The following WDPCP variants were observed in gnomAD, a reference collection of about 807,000 sequenced individuals.
The protein encoded by WDPCP is WD repeat-containing and planar cell polarity effector protein fritz homolog.
WDPCP carries 71 observed loss-of-function variants against 93.1 expected under a neutral mutation model. The observed-to-expected ratio is 0.76, with a 90% CI of 0.63 to 0.93. WDPCP has a LOEUF of 0.93. Ranked by LOEUF, WDPCP falls within the 40% of genes least tolerant of loss-of-function variation. The pLI, the probability that WDPCP is intolerant of heterozygous loss-of-function variation, is 0.00. For missense variants in WDPCP, 844 were observed against 887.4 expected, an observed-to-expected ratio of 0.95 and a Z score of 0.62; for synonymous variants, 315 against 315.0, an observed-to-expected ratio of 1.00 and a Z score of 0.00.
intron 13 of WDPCP, among the ~76,000 whole-genome samples, chr2:63,278,312 A>C (rs1012737083): frequency 2.6e-5 from 4 of 152,202 alleles, no homozygotes; most frequent in Non-Finnish European, 5.9e-5. Flanking sequence ...AAAAAGTCTG[A>C]AAGAGCACAA....
intron 12 of WDPCP, among the ~76,000 whole-genome samples, chr2:63,362,760 G>A (rs931776694): frequency 6.6e-6 from 1 of 151,934 alleles, no homozygotes; most frequent in Non-Finnish European, 1.5e-5. Context: ...AAACTCCTAG[G>A]GTCAAGTGAT....
intron 3 of WDPCP, among the ~76,000 whole-genome samples, chr2:63,645,383 A>AT (rs376550206): frequency 3.3e-3 from 498 of 151,884 alleles, no homozygotes; most frequent in African/African-American, 0.012. Flanking sequence ...TAGTATTTCA[A>AT]TTTTTTTTGC....
chr2:63,570,294 T>C (rs1034503186), intron 1 of WDPCP, among the ~76,000 whole-genome samples: 2 of 152,226 alleles, frequency 1.3e-5, no homozygotes, highest in African/African-American at 4.8e-5. Flanking sequence ...AAAACATATG[T>C]ATTATCATGC....
intron 2 of WDPCP, among the ~76,000 whole-genome samples, chr2:63,743,418 C>A (rs556658907): frequency 1.3e-5 from 2 of 152,192 alleles, no homozygotes; most frequent in Admixed American, 1.3e-4. Flanking sequence ...GAAAGATTTG[C>A]TAATTCCTTT....
chr2:63,416,555 G>A (rs1351778756), intron 9 of WDPCP, among the ~76,000 whole-genome samples: 8 of 62,056 alleles, frequency 1.3e-4, no homozygotes, highest in South Asian at 4.7e-4. Flanking sequence ...ACGGAGTCTC[G>A]CCCTGTTGCC....
chr2:63,516,522 G>A (rs1170314950), intron 1 of WDPCP, among the ~76,000 whole-genome samples: 1 of 152,128 alleles, frequency 6.6e-6, no homozygotes, highest in Non-Finnish European at 1.5e-5. Flanking sequence ...GAGAGGGGTA[G>A]CCAGCCACTG....
chr2:63,213,596 G>A (rs529121157), intron 14 of WDPCP, among the ~76,000 whole-genome samples: 8 of 152,018 alleles, frequency 5.3e-5, no homozygotes, highest in African/African-American at 7.2e-5. Context: ...ATTCAAAAGC[G>A]AGCACAAGGC....
chr2:63,704,276 T>C (rs1669111264), intron 2 of WDPCP, among the ~76,000 whole-genome samples: 1 of 152,190 alleles, frequency 6.6e-6, no homozygotes, highest in Non-Finnish European at 1.5e-5. Context: ...CTTTTCCTAA[T>C]TGAATGCCCT....
intron 3 of WDPCP, among the ~76,000 whole-genome samples, chr2:63,616,899 G>A (rs760091457): frequency 3.3e-5 from 5 of 151,912 alleles, no homozygotes; most frequent in African/African-American, 4.8e-5. Context: ...GGATATTTAC[G>A]GTTTAAGAAT....
chr2:63,735,653 G>A (rs1669628492), intron 2 of WDPCP, among the ~76,000 whole-genome samples: 2 of 152,062 alleles, frequency 1.3e-5, no homozygotes, highest in African/African-American at 4.8e-5. Context: ...CGGAGGAAGG[G>A]GCCCAAAGTG....
chr2:63,637,642 T>C (rs1709935532), intron 3 of WDPCP, among the ~76,000 whole-genome samples: 1 of 152,124 alleles, frequency 6.6e-6, no homozygotes, highest in Admixed American at 6.6e-5. Context: ...TGAATATTTT[T>C]CCAAGAAGAT....
chr2:63,296,222 A>AG (rs1271354866), intron 13 of WDPCP, among the ~76,000 whole-genome samples: 1 of 151,714 alleles, frequency 6.6e-6, no homozygotes, highest in Non-Finnish European at 1.5e-5. Context: ...AAAAAAAAAA[A>AG]AGCATTTGAT....
In WDPCP at chr2:63,385,217, C is replaced by T. The variant is rs117885604; in HGVS notation, c.1436-3123G>A. 1.7e-4 allele frequency among the ~76,000 whole-genome samples: 26 copies of T among 152,052 alleles called. No individual in the cohort carries two copies. In the East Asian group the frequency reaches 2.9e-3, roughly 17 times the overall value. Reference sequence around the variant, plus strand: ...TAGTGAAAGATTGAATGTTTTCCACCGAAGATTGGAAACAAAGAAAGGATG... The same window carrying T: ...TAGTGAAAGATTGAATGTTTTCCACTGAAGATTGGAAACAAAGAAAGGATG... On this transcript the variant is annotated intron_variant, in intron 10 of 17. Transcript: ENST00000272321.
intron 14 of WDPCP, among the ~76,000 whole-genome samples, chr2:63,237,124 A>C (rs1679468073): frequency 1.3e-5 from 2 of 152,088 alleles, no homozygotes; most frequent in Non-Finnish European, 1.5e-5. Flanking sequence ...AAGGAACTTA[A>C]ACAAATCATT....
At chr2:63,123,389 G>T (rs1204904565) in intron 17 of WDPCP, among the ~76,000 whole-genome samples, 1 of 151,922 alleles carries the variant, frequency 6.6e-6, no homozygotes, top group Non-Finnish European at 1.5e-5. Flanking sequence ...AAGAACTATC[G>T]TGTCGTTCAG....
At chr2:63,323,057 A>AGGG (rs568869961) in intron 12 of WDPCP, among the ~76,000 whole-genome samples, 118 of 152,250 alleles carry the variant, frequency 7.8e-4, no homozygotes, top group Middle Eastern at 6.8e-3. Flanking sequence ...GTACTTCTGG[A>AGGG]CTGAGCCCAG....
At chr2:63,703,028 A>G (rs1669086383) in intron 2 of WDPCP, among the ~76,000 whole-genome samples, 1 of 152,130 alleles carries the variant, frequency 6.6e-6, no homozygotes, top group Non-Finnish European at 1.5e-5. Flanking sequence ...AGCTTCATCC[A>G]TGTCCCTACA....
chr2:63,757,317 T>G (rs147944036), intron 2 of WDPCP, among the ~76,000 whole-genome samples: 2 of 152,318 alleles, frequency 1.3e-5, no homozygotes, highest in African/African-American at 4.8e-5. Flanking sequence ...TATAGACATG[T>G]ATTTGCTGTG....
chr2:63,733,739 A>G lies in WDPCP; in HGVS notation n.308+79883T>C, dbSNP rs1399051678. 2.0e-5 allele frequency among the ~76,000 whole-genome samples: 3 copies of G among 151,964 alleles called. No homozygotes were observed. The East Asian group carries it at 5.8e-4, about 29-fold the overall frequency. Reference sequence around the variant, plus strand: ...TTCTTGTGCAGAATCTTCAATTTGTATTTTTTTTAAATTGGGATATAATTC... The same window carrying G: ...TTCTTGTGCAGAATCTTCAATTTGTGTTTTTTTTAAATTGGGATATAATTC... On this transcript the variant is annotated intron_variant and non_coding_transcript_variant, in intron 2 of 4. Transcript: ENST00000467687.
Sources: allele counts gnomAD v4.1 joint callset (sites outside exome capture counted in the v4.1 genomes callset), GRCh38; gene constraint gnomAD v4.1.1; transcripts MANE v1.5; gene names NCBI Gene and HGNC (gene_info 2026-07-23, HGNC 2026-07-21).